SIK3: variants seen among roughly 807,000 people sequenced by gnomAD.
SIK3 encodes serine/threonine-protein kinase SIK3.
In SIK3, 28 loss-of-function variants were observed where a neutral mutation model predicts 144.2. The observed-to-expected ratio is 0.19, with a 90% CI of 0.14 to 0.27. SIK3 has a LOEUF of 0.27. Among genes scored for constraint, SIK3 ranks in the 10% least tolerant of loss-of-function variants. SIK3 has a pLI of 1.00. For missense variants in SIK3, 1,319 were observed against 1,776.0 expected (o/e 0.74, Z 4.62); for synonymous variants, 686 against 676.3 (o/e 1.01, Z -0.22).
chr11:116,892,336 A>G (rs770046011), intron 6 of SIK3, among the ~76,000 whole-genome samples: 1 of 152,232 alleles, frequency 6.6e-6, no homozygotes, highest in Non-Finnish European at 1.5e-5. Flanking sequence ...AGCAATGAGA[A>G]AAAGTGTTTT....
intron 1 of SIK3, among the ~76,000 whole-genome samples, chr11:117,063,410 G>C (rs1027282625): frequency 3.9e-5 from 6 of 152,134 alleles, no homozygotes; most frequent in Non-Finnish European, 8.8e-5. Flanking sequence ...AAGTACGGCA[G>C]TCTCCTCTGC....
intron 3 of SIK3, among the ~76,000 whole-genome samples, chr11:116,936,682 T>C (rs1947938196): frequency 6.6e-6 from 1 of 152,202 alleles, no homozygotes; most frequent in Non-Finnish European, 1.5e-5. Flanking sequence ...ATCCTTCAGG[T>C]TTCCCTTTCT....
At chr11:117,070,815 C>T (rs1274579309) in intron 1 of SIK3, among the ~76,000 whole-genome samples, 2 of 142,564 alleles carry the variant, frequency 1.4e-5, no homozygotes, top group Non-Finnish European at 3.0e-5. Context: ...TACAATGGTG[C>T]GATCTCAGCT....
chr11:116,909,354 T>C (rs1005969061), intron 4 of SIK3, among the ~76,000 whole-genome samples: 1 of 151,028 alleles, frequency 6.6e-6, no homozygotes, highest in African/African-American at 2.4e-5. Context: ...AGCACATAAG[T>C]GATTAACACA....
chr11:116,910,145 G>A lies in SIK3; in HGVS notation c.617-12828C>T, dbSNP rs910103427. 5.3e-5 allele frequency among the ~76,000 whole-genome samples: 8 copies of A among 152,172 alleles called. 1 individual carries two copies. The highest frequency in any genetic ancestry group is 2.6e-4 in the Admixed American group (4 of 15,286). On this transcript the variant is annotated intron_variant, in intron 4 of 24. Coordinates refer to ENST00000445177, the MANE Select transcript of SIK3 (RefSeq NM_001366686.3). ...ATTTCTCAGTAACCCATATTAGTAA[G>A]AGACAAAGCTAGTATACACTACATA...
chr11:117,030,899 G>T (rs906313373), intron 1 of SIK3, among the ~76,000 whole-genome samples: 2 of 152,114 alleles, frequency 1.3e-5, no homozygotes, highest in African/African-American at 4.8e-5. Context: ...GTTCCCTAAC[G>T]GCTAATGATG....
chr11:117,076,449 T>C (rs1005820942), intron 1 of SIK3, among the ~76,000 whole-genome samples: 4 of 152,196 alleles, frequency 2.6e-5, no homozygotes, highest in African/African-American at 9.7e-5. Context: ...TTCCGAAACC[T>C]TTCAGAACAA....
At chr11:116,955,181 T>A (rs567234891) in intron 2 of SIK3, among the ~76,000 whole-genome samples, 2 of 152,156 alleles carry the variant, frequency 1.3e-5, no homozygotes, top group East Asian at 3.9e-4. Context: ...GTGGATCACT[T>A]GAGATTAGGA....
chr11:116,953,941 C>T (rs1053915559), intron 3 of SIK3, 103 bp downstream of exon 3: 2 of 793,588 alleles, frequency 2.5e-6, no homozygotes, highest in African/African-American at 1.7e-5. Flanking sequence ...TGAAGAACAG[C>T]ATCAAGTGAC....
intron 4 of SIK3, among the ~76,000 whole-genome samples, chr11:116,926,673 T>C (rs1001629204): frequency 6.6e-6 from 1 of 152,210 alleles, no homozygotes; most frequent in Non-Finnish European, 1.5e-5. Flanking sequence ...AATAGTATTT[T>C]AAATATCACC....
chr11:116,929,752 T>C (rs1255399097), intron 3 of SIK3, among the ~76,000 whole-genome samples: 11 of 152,244 alleles, frequency 7.2e-5, no homozygotes, highest in African/African-American at 2.7e-4. Context: ...AAGAGTATCA[T>C]ACGTTAAAAC....
intron 3 of SIK3, among the ~76,000 whole-genome samples, chr11:116,936,462 C>T (rs1253127497): frequency 6.6e-6 from 1 of 152,208 alleles, no homozygotes; most frequent in African/African-American, 2.4e-5. Context: ...AGGCGTGAGC[C>T]ACAGCACCTG....
At chr11:117,033,098 T>G (rs993781661) in intron 1 of SIK3, among the ~76,000 whole-genome samples, 103 of 152,298 alleles carry the variant, frequency 6.8e-4, no homozygotes, top group Non-Finnish European at 1.1e-3. Context: ...GTGAAATTCT[T>G]TAAAATGCAT....
At chr11:116,946,562 G>A (rs1004433425) in intron 3 of SIK3, among the ~76,000 whole-genome samples, 1 of 152,154 alleles carries the variant, frequency 6.6e-6, no homozygotes, top group African/African-American at 2.4e-5. Flanking sequence ...GCTGTGGAGG[G>A]AGATACTATC....
At chr11:117,023,597 CAAACAAACAAACAA>C (rs1318840930) in intron 1 of SIK3, among the ~76,000 whole-genome samples, 3 of 38,236 alleles carry the variant, frequency 7.8e-5, no homozygotes, top group East Asian at 6.6e-4. Context: ...AACAAACAAA[CAAACAAACAAACAA>C]AAAAAAAAAA....
rs955920346 is a variant in SIK3, at chr11:116,875,873, T to C, written c.1232A>G (p.Asn411Ser). The C allele has an allele frequency of 3.7e-6, 6 of 1,602,848 alleles. No homozygotes were observed. The highest frequency in any genetic ancestry group is 2.2e-5 in the East Asian group (1 of 44,838). ...PRALAFQAPV[N>S]IQAEQAGTAM... The stretch of plus-strand genomic sequence containing the variant: ...ACTGGAGTTATTGCCCACCTGGATA[T>C]TGACTGGTGCTTGAAAGGCCAGGGC... The change falls in exon 9 of 25, where the codon AAT becomes AGT. Residue 411 changes from asparagine to serine, a missense_variant. Physicochemically the swap from Asn to Ser is conservative, Grantham distance 46. Around this residue, in one of 8 missense-constraint regions of SIK3, gnomAD observed 109 missense variants for 109.3 expected, o/e 1.00. Coordinates refer to ENST00000445177, the MANE Select transcript of SIK3 (RefSeq NM_001366686.3).
chr11:116,849,171 C>A lies in SIK3; in HGVS notation c.3768G>T (p.Arg1256Ser). Reference sequence around the variant, plus strand: ...TGTGGTGTCTCTGGAGGGCCCGGGGCCTGTGGTGCTCATGGACGGAGGGGC... The same window carrying A: ...TGTGGTGTCTCTGGAGGGCCCGGGGACTGTGGTGCTCATGGACGGAGGGGC... ...PARPSVHEHH[R>S]PRALQRHHTI... Residue 1256 changes from arginine to serine, a missense_variant, in exon 22 of 25, where the codon AGG (arginine) becomes AGT (serine). Physicochemically the swap from Arg to Ser is moderately radical, Grantham distance 110. This residue lies in a region of SIK3 where 646 missense variants were observed against 763.7 expected (regional missense o/e 0.85). Transcript: ENST00000445177. This position sits in a 1 kb window ranked among gnomAD's most constrained non-coding sequence, Gnocchi z 4.2. 1 of 1,613,682 alleles carries A rather than the reference C, an allele frequency of 6.2e-7. No homozygotes were observed. The highest frequency in any genetic ancestry group is 1.3e-5 in the African/African-American group (1 of 75,020).
intron 4 of SIK3, among the ~76,000 whole-genome samples, chr11:116,918,844 G>A (rs774332041): frequency 6.6e-6 from 1 of 152,174 alleles, no homozygotes; most frequent in Non-Finnish European, 1.5e-5. Context: ...CTAGTCTCAG[G>A]AATAGGATTC....
At chr11:117,077,365 G>A in intron 1 of SIK3, among the ~76,000 whole-genome samples, 1 of 152,090 alleles carries the variant, frequency 6.6e-6, no homozygotes, top group East Asian at 1.9e-4. Context: ...TTCTGGTGCC[G>A]AGCTCCAAAA....
Sources: gnomAD v4.1 joint callset for allele counts (sites outside exome capture counted in the v4.1 genomes callset) on GRCh38, gnomAD v4.1.1 for gene constraint, gnomAD v4.1.1 regional missense constraint, Gnocchi (gnomAD v3.1) non-coding constraint, MANE v1.5 for transcripts, NCBI Gene and HGNC (gene_info 2026-07-23, HGNC 2026-07-21) for gene names.